TENM3: variants seen among roughly 807,000 people sequenced by gnomAD.
TENM3 encodes teneurin-3.
Under a neutral mutation model 255.1 loss-of-function variants are expected in TENM3, and 63 were observed. The observed-to-expected ratio is 0.25, with a 90% CI of 0.20 to 0.30. The LOEUF is 0.30. TENM3 is among the 10% of genes least tolerant of loss of function. TENM3 has a pLI of 1.00. For synonymous variants in TENM3, 1,306 were observed against 1,322.3 expected (o/e 0.99, Z 0.27); for missense variants, 2,929 against 3,461.1 (o/e 0.85, Z 3.86).
In TENM3 at chr4:182,799,838, C is replaced by T; in HGVS notation, c.7587C>T (p.Asn2529=). The change falls in exon 28 of 28, where the codon AAC becomes AAT. Residue 2529 remains asparagine (N), a synonymous_variant. Transcript: ENST00000511685. The surrounding 1 kb of genome is among the most constrained non-coding windows in gnomAD (Gnocchi z 4.2). The stretch of plus-strand genomic sequence containing the variant: ...GCATCAAGGTGGCGGCCGTGCTCAA[C>T]AACGCCTTCTACCTGGAGAACCTGC... ...EDCIKVAAVL[N]NAFYLENLHF... is the part of the protein sequence containing the mutation. The T allele has an allele frequency of 6.2e-7, 1 of 1,611,226 alleles. No homozygotes were observed. Among genetic ancestry groups the T allele is most frequent in the African/African-American group, 1.3e-5 (1 of 75,034 alleles).
At chr4:181,791,147 T>C in the TENM3 span, among the ~76,000 whole-genome samples, 1 of 152,228 alleles carries the variant, frequency 6.6e-6, no homozygotes, top group Non-Finnish European at 1.5e-5. Context: ...ATTTGCTTGG[T>C]GGGCAAATTG....
At chr4:181,986,636 G>T in the TENM3 span, among the ~76,000 whole-genome samples, 4 of 151,858 alleles carry the variant, frequency 2.6e-5, no homozygotes, top group Non-Finnish European at 4.4e-5. Flanking sequence ...CTCCAAGCAC[G>T]TCCTCTTCCC....
At chr4:182,751,655 A>G in intron 19 of TENM3, 145 bp from the exon 20 acceptor site, 2 of 609,972 alleles carry the variant, frequency 3.3e-6, no homozygotes, top group South Asian at 2.1e-5. Context: ...TCATTATTAA[A>G]TAGACAGTAC....
At chr4:181,847,541 T>C in the TENM3 span, among the ~76,000 whole-genome samples, 6 of 152,102 alleles carry the variant, frequency 3.9e-5, no homozygotes, top group African/African-American at 1.4e-4. Flanking sequence ...TTTCCTCCTT[T>C]CTTGGGGGAA....
the TENM3 span, among the ~76,000 whole-genome samples, chr4:181,816,811 A>G: frequency 6.6e-6 from 1 of 152,334 alleles, no homozygotes; most frequent in African/African-American, 2.4e-5. Context: ...CGATAATGTC[A>G]TTGCTTAAGT....
chr4:182,326,824 T>C lies in TENM3; in HGVS notation c.232+2572T>C, dbSNP rs2675527. Reference sequence around the variant, plus strand: ...TCCCTAAGTGCTGAAATAACAGGCCTGAGCCACCACGCCCAGCCCATTTTA... The same window carrying C: ...TCCCTAAGTGCTGAAATAACAGGCCCGAGCCACCACGCCCAGCCCATTTTA... On this transcript the variant is annotated intron_variant, in intron 2 of 27. Transcript: ENST00000511685. Among the ~76,000 whole-genome samples, 448 of 152,306 alleles carry C rather than the reference T, an allele frequency of 2.9e-3. 5 individuals carry two copies. The highest frequency in any genetic ancestry group is 0.01 in the African/African-American group (422 of 41,556).
chr4:182,779,995 T>C (rs1765036524), intron 24 of TENM3, among the ~76,000 whole-genome samples: 1 of 150,574 alleles, frequency 6.6e-6, no homozygotes, highest in Non-Finnish European at 1.5e-5. Context: ...TTTTCTCCCA[T>C]TTTGTAGGTT....
chr4:182,325,398 C>G (rs973906515), intron 2 of TENM3, among the ~76,000 whole-genome samples: 6 of 152,178 alleles, frequency 3.9e-5, no homozygotes, highest in African/African-American at 4.8e-5. Context: ...AAAGAAAACT[C>G]ATTTGATTCG....
At chr4:182,250,347 T>C (rs540362042) in intron 1 of TENM3, among the ~76,000 whole-genome samples, 48 of 152,266 alleles carry the variant, frequency 3.2e-4, no homozygotes, top group Non-Finnish European at 5.1e-4. Context: ...CCACTGCGCC[T>C]GGCCTGTTCT....
chr4:181,495,917 A>AAG, the TENM3 span, among the ~76,000 whole-genome samples: 2 of 151,028 alleles, frequency 1.3e-5, no homozygotes, highest in African/African-American at 2.4e-5. Context: ...AAAAAAAAAA[A>AAG]AAAAAGAAAC....
chr4:181,912,722 A>T, the TENM3 span, among the ~76,000 whole-genome samples: 1 of 151,264 alleles, frequency 6.6e-6, no homozygotes, highest in Non-Finnish European at 1.5e-5. Context: ...CAATGATCTG[A>T]GATCATGCCA....
chr4:182,393,950 C>T (rs1768621249), intron 3 of TENM3, among the ~76,000 whole-genome samples: 1 of 152,092 alleles, frequency 6.6e-6, no homozygotes, highest in African/African-American at 2.4e-5. Flanking sequence ...GCTCTTATTC[C>T]CTGACCAGAA....
At chr4:182,197,404 T>C (rs900002741) in intron 1 of TENM3, among the ~76,000 whole-genome samples, 1 of 152,224 alleles carries the variant, frequency 6.6e-6, no homozygotes, top group Non-Finnish European at 1.5e-5. Flanking sequence ...ACTCCCAATT[T>C]AACAAAAGAA....
At chr4:182,089,301 A>G in the TENM3 span, among the ~76,000 whole-genome samples, 2 of 152,208 alleles carry the variant, frequency 1.3e-5, no homozygotes, top group African/African-American at 4.8e-5. Context: ...TCACATAGCT[A>G]TGGAGTTGTG....
chr4:181,467,125 A>ATT, the TENM3 span, among the ~76,000 whole-genome samples: 19 of 17,616 alleles, frequency 1.1e-3, no homozygotes, highest in East Asian at 3.3e-3. Flanking sequence ...ATATATATAT[A>ATT]TTTTTTTTTT....
At chr4:182,764,819 A>G (rs1023497353) in intron 22 of TENM3, among the ~76,000 whole-genome samples, 2 of 152,176 alleles carry the variant, frequency 1.3e-5, no homozygotes, top group Non-Finnish European at 2.9e-5. Context: ...ACTCTGTTCA[A>G]GGAGTTTAAC....
At chr4:181,986,376 TC>T in the TENM3 span, among the ~76,000 whole-genome samples, 1 of 152,038 alleles carries the variant, frequency 6.6e-6, no homozygotes, top group African/African-American at 2.4e-5. Context: ...CTCTTCTAGA[TC>T]CCATTTCTCC....
the TENM3 span, among the ~76,000 whole-genome samples, chr4:181,561,990 C>T: frequency 2.6e-5 from 4 of 152,102 alleles, no homozygotes; most frequent in Non-Finnish European, 4.4e-5. Flanking sequence ...TTGTCTAATT[C>T]ATATCAGGTT....
At chr4:182,417,627 GA>G (rs1259390879) in intron 3 of TENM3, among the ~76,000 whole-genome samples, 3 of 152,134 alleles carry the variant, frequency 2.0e-5, no homozygotes, top group African/African-American at 7.2e-5. Context: ...AAGTCACTTT[GA>G]GGGGGAAAAA....
Sources: gnomAD v4.1 joint callset for allele counts (sites outside exome capture counted in the v4.1 genomes callset) on GRCh38, gnomAD v4.1.1 for gene constraint, Gnocchi (gnomAD v3.1) non-coding constraint, MANE v1.5 for transcripts, NCBI Gene and HGNC (gene_info 2026-07-23, HGNC 2026-07-21) for gene names.